FAF2: variants seen among roughly 807,000 people sequenced by gnomAD.
FAF2 encodes the protein Fas associated factor family member 2.
Under a neutral mutation model 62.3 loss-of-function variants are expected in FAF2, and 9 were observed. The observed-to-expected ratio is 0.14, with a 90% CI of 0.09 to 0.25. The LOEUF is 0.25. FAF2 is among the 10% of genes least tolerant of loss of function. FAF2 has a pLI of 1.00. For missense variants in FAF2, 368 were observed against 556.2 expected, an observed-to-expected ratio of 0.66 and a Z score of 3.40; for synonymous variants, 202 against 198.0, an observed-to-expected ratio of 1.02 and a Z score of -0.17.
intron 10 of FAF2, 115 bp downstream of exon 10, chr5:176,500,261 C>CAGAGAGAG: frequency 2.2e-6 from 2 of 895,172 alleles, no homozygotes; most frequent in African/African-American, 1.7e-5. Context: ...GAACAGGGAA[C>CAGAGAGAG]AGAGAGAGAG....
intron 8 of FAF2, 102 bp from the exon 9 acceptor site, chr5:176,498,812 A>G: frequency 1.8e-6 from 2 of 1,126,334 alleles, no homozygotes; most frequent in African/African-American, 1.5e-5. Flanking sequence ...TAAGAATATC[A>G]ACATTTTTAC....
chr5:176,499,031 G>A lies in FAF2; in HGVS notation c.957G>A (p.Arg319=), dbSNP rs762279930. Residue 319 remains arginine (R), a synonymous_variant, in exon 9 of 11, where the codon CGG becomes CGA. Coordinates refer to ENST00000261942, the MANE Select transcript of FAF2 (RefSeq NM_014613.3). ...RKKREERERK[R]RKEEEVQQQK... is the part of the protein sequence containing the mutation. ...AACGGGAGGAGCGGGAGCGTAAGCG[G>A]CGGAAGGAGGAGGAGGTGCAACAGC... The A allele has an allele frequency of 5.0e-6, 8 of 1,611,858 alleles. No homozygotes were observed. In the East Asian group the frequency reaches 1.3e-4, roughly 27 times the overall value.
In FAF2 at chr5:176,508,678, T is replaced by G. The variant is rs1755727737; in HGVS notation, c.*1728T>G. 6.6e-6 allele frequency: 1 copy of G among 152,194 alleles called. No homozygotes were observed. The highest frequency in any genetic ancestry group is 6.6e-5 in the Admixed American group (1 of 15,260). 9.4% of individuals were successfully genotyped at this position (152,194 alleles called of 1,614,324 possible). A position where few individuals can be genotyped will look rare whatever the true frequency, so the allele number is the denominator to read the frequency against. ...CCCTGGCCAGCTATTGTTCTTCCAC[T>G]TCGTTTTCTGCTGTCCCAAGGCCAG... On this transcript the variant is annotated 3_prime_UTR_variant, in exon 11 of 11. Coordinates refer to ENST00000261942, the MANE Select transcript of FAF2 (RefSeq NM_014613.3).
chr5:176,471,215 C>T (rs1385446700), intron 1 of FAF2, among the ~76,000 whole-genome samples: 1 of 152,114 alleles, frequency 6.6e-6, no homozygotes, highest in African/African-American at 2.4e-5. Context: ...TCTATATAAT[C>T]TTGCTGGTGT....
intron 7 of FAF2, among the ~76,000 whole-genome samples, chr5:176,495,264 A>T (rs935557140): frequency 2.0e-5 from 3 of 152,204 alleles, no homozygotes; most frequent in Admixed American, 6.5e-5. Flanking sequence ...AGAACCAAAG[A>T]TGTGGCAGAT....
chr5:176,496,786 C>A (rs1755495156), intron 8 of FAF2, 123 bp downstream of exon 8: 2 of 668,148 alleles, frequency 3.0e-6, no homozygotes, highest in Admixed American at 3.5e-5. Context: ...TTTAGCTTTG[C>A]CCATTTATTG....
In FAF2 at chr5:176,500,057, C is replaced by G; in HGVS notation, c.1066C>G (p.Pro356Ala). 1 of 1,614,124 alleles carries G rather than the reference C, an allele frequency of 6.2e-7. No individual in the cohort carries two copies. Among genetic ancestry groups the G allele is most frequent in the Non-Finnish European group, 8.5e-7 (1 of 1,180,014 alleles). ...GGAATGCCTGCCCCCTGAACCTTCC[C>G]CTGATGACCCTGAAAGTGTCAAGAT... ...KLECLPPEPS[P>A]DDPESVKIIF... is the part of the protein sequence containing the mutation. The change falls in exon 10 of 11, where the codon CCT (proline) becomes GCT (alanine). Residue 356 changes from proline (P) to alanine (A), a missense_variant. Pro to Ala is a conservative substitution (Grantham distance 27). Transcript: ENST00000261942.
In FAF2 at chr5:176,494,138, T is replaced by G; in HGVS notation, c.570-46T>G. On this transcript the variant is annotated intron_variant, in intron 6 of 10. Coordinates refer to ENST00000261942, the MANE Select transcript of FAF2 (RefSeq NM_014613.3). The surrounding 1 kb of genome is among the most constrained non-coding windows in gnomAD (Gnocchi z 4.0). ...TTTCTGACTCTTTCTGGTGACAGTT[T>G]ATAGTCAGCAAGTTGTTCTCATATC... is the stretch of plus-strand genomic sequence containing the variant. The G allele has an allele frequency of 6.2e-7, 1 of 1,606,796 alleles. No homozygotes were observed. Among genetic ancestry groups the G allele is most frequent in the Non-Finnish European group, 8.5e-7 (1 of 1,174,480 alleles).
At chr5:176,484,966 G>C (rs1389575638) in intron 2 of FAF2, among the ~76,000 whole-genome samples, 2 of 151,668 alleles carry the variant, frequency 1.3e-5, no homozygotes, top group Non-Finnish European at 2.9e-5. Context: ...AAGTTGCTAA[G>C]ATCTAGCTTG....
intron 1 of FAF2, among the ~76,000 whole-genome samples, chr5:176,471,563 A>G (rs1758570269): frequency 6.6e-6 from 1 of 150,926 alleles, no homozygotes; most frequent in South Asian, 2.1e-4. Context: ...TTGTATTTTT[A>G]GTAGAGACGG....
chr5:176,501,834 A>G (rs985755568), intron 10 of FAF2, among the ~76,000 whole-genome samples: 15 of 152,070 alleles, frequency 9.9e-5, no homozygotes, highest in Admixed American at 8.5e-4. Context: ...GCTCGCTGCA[A>G]CCTCTGCCTC....
chr5:176,480,447 C>T (rs1390527582), intron 2 of FAF2, among the ~76,000 whole-genome samples: 1 of 152,036 alleles, frequency 6.6e-6, no homozygotes, highest in Admixed American at 6.6e-5. Context: ...GGGTCTTGCT[C>T]TGTCACCTGG....
intron 2 of FAF2, among the ~76,000 whole-genome samples, chr5:176,483,537 T>C (rs1290633673): frequency 6.6e-6 from 1 of 152,212 alleles, no homozygotes; most frequent in Non-Finnish European, 1.5e-5. Flanking sequence ...CCTCGTTGAA[T>C]TGTAAAACTA....
intron 1 of FAF2, among the ~76,000 whole-genome samples, chr5:176,451,892 ATTTTTTTTTTTT>A (rs1174600881): frequency 0.023 from 490 of 21,626 alleles, 26 homozygotes; most frequent in East Asian, 0.086. Context: ...ATATATATAT[ATTTTTTTTTTTT>A]TTTTTTTTTT....
At chr5:176,480,818 G>T in intron 2 of FAF2, among the ~76,000 whole-genome samples, 1 of 142,928 alleles carries the variant, frequency 7.0e-6, no homozygotes, top group Admixed American at 7.0e-5. Context: ...GGGGCTGGGG[G>T]GCTAGGGGAG....
chr5:176,471,918 G>C (rs941210470), intron 1 of FAF2, among the ~76,000 whole-genome samples: 3 of 151,780 alleles, frequency 2.0e-5, no homozygotes, highest in Non-Finnish European at 4.4e-5. Flanking sequence ...CTAACCTCGT[G>C]ATTCGCCCCC....
At chr5:176,497,779 C>T (rs1030070106) in intron 8 of FAF2, among the ~76,000 whole-genome samples, 2 of 152,022 alleles carry the variant, frequency 1.3e-5, no homozygotes, top group African/African-American at 4.8e-5. Context: ...CCAACTTGCC[C>T]TCAAGAAAGT....
chr5:176,494,382 T>TA lies in FAF2; in HGVS notation c.661+108dup. On this transcript the variant is annotated intron_variant, in intron 7 of 10. Transcript: ENST00000261942. The surrounding 1 kb of genome is among the most constrained non-coding windows in gnomAD (Gnocchi z 4.0). Reference sequence around the variant, plus strand: ...ACAAGTGTGTTTGTTCTGTGGTAGATACGACGCTAGTTGCTATTTTATATT... The same window carrying TA: ...ACAAGTGTGTTTGTTCTGTGGTAGATAACGACGCTAGTTGCTATTTTATATT... 1 of 916,012 alleles carries TA rather than the reference T, an allele frequency of 1.1e-6. No homozygotes were observed. The highest frequency in any genetic ancestry group is 1.4e-5 in the South Asian group (1 of 73,408). The allele number at this position is 916,012 out of a possible 1,614,324, so 56.7% of individuals were successfully genotyped here.
intron 1 of FAF2, among the ~76,000 whole-genome samples, chr5:176,465,366 CTTT>C (rs70991554): frequency 2.3e-4 from 27 of 115,674 alleles, no homozygotes; most frequent in Non-Finnish European, 2.7e-4. Flanking sequence ...CTTTTTCTTT[CTTT>C]TTTTTTTTTT....
Sources: gnomAD v4.1 joint callset for allele counts (sites outside exome capture counted in the v4.1 genomes callset) on GRCh38, gnomAD v4.1.1 for gene constraint, Gnocchi (gnomAD v3.1) non-coding constraint, MANE v1.5 for transcripts, NCBI Gene and HGNC (gene_info 2026-07-23, HGNC 2026-07-21) for gene names.